The following FBXW8 variants were observed in gnomAD, a reference collection of about 807,000 sequenced individuals.
FBXW8 encodes the protein F-box and WD repeat domain containing 8.
In FBXW8, 57 loss-of-function variants were observed where a neutral mutation model predicts 65.3. The ratio of observed to expected loss-of-function variants is 0.87; its 90% CI spans 0.71 to 1.09. The LOEUF is 1.09. Ranked by LOEUF, FBXW8 falls within the 50% of genes least tolerant of loss-of-function variation. The probability of loss-of-function intolerance (pLI) is 0.00; values close to 1 mark genes in which losing one functional copy is unlikely to be tolerated. For synonymous variants in FBXW8, 308 were observed against 330.2 expected, an observed-to-expected ratio of 0.93 and a Z score of 0.73; for missense variants, 777 against 814.8, an observed-to-expected ratio of 0.95 and a Z score of 0.57.
chr12:117,024,591 T>A (rs1272693630), intron 9 of FBXW8, among the ~76,000 whole-genome samples: 1 of 152,212 alleles, frequency 6.6e-6, no homozygotes, highest in East Asian at 1.9e-4. Context: ...AGGCCCAGCT[T>A]TCTCTAAGAA....
At chr12:116,918,164 C>T (rs1207386215) in intron 1 of FBXW8, among the ~76,000 whole-genome samples, 1 of 152,180 alleles carries the variant, frequency 6.6e-6, no homozygotes, top group Non-Finnish European at 1.5e-5. Context: ...AAGAACACAT[C>T]CCTGGTCAGA....
At chr12:116,964,604 A>T in intron 4 of FBXW8, 93 bp from the exon 5 acceptor site, 1 of 1,474,500 alleles carries the variant, frequency 6.8e-7, no homozygotes, top group African/African-American at 1.4e-5. Flanking sequence ...CCCGATTCTT[A>T]CTTGTCTGTT....
intron 5 of FBXW8, among the ~76,000 whole-genome samples, chr12:116,970,855 T>C (rs1884608420): frequency 6.6e-6 from 1 of 152,122 alleles, no homozygotes; most frequent in Admixed American, 6.5e-5. Flanking sequence ...GTCCTAAAAG[T>C]TTCAATCATC....
chr12:116,981,341 G>A (rs1034734304), intron 5 of FBXW8, among the ~76,000 whole-genome samples: 6 of 152,222 alleles, frequency 3.9e-5, no homozygotes, highest in South Asian at 2.1e-4. Context: ...AAGGGAAATT[G>A]CAAACCTTGC....
At chr12:117,011,617 C>T (rs574291689) in intron 8 of FBXW8, among the ~76,000 whole-genome samples, 21 of 152,182 alleles carry the variant, frequency 1.4e-4, no homozygotes, top group African/African-American at 4.8e-4. Context: ...GTTTTAATCC[C>T]GCATTTTAGT....
rs375263486 is a variant in FBXW8, at chr12:116,937,386, C to G, written c.424-7978C>G. Among the ~76,000 whole-genome samples, 3 of 152,176 alleles carry G rather than the reference C, an allele frequency of 2.0e-5. No homozygotes were observed. The East Asian group carries it at 5.8e-4, about 29-fold the overall frequency. ...TAGAGGAGGGGTTCAGGGATGGAGC[C>G]CTGGTGCTCCACAAGGATTAGAGGC... On this transcript the variant is annotated intron_variant, in intron 2 of 10. Coordinates refer to ENST00000652555, the MANE Select transcript of FBXW8 (RefSeq NM_153348.3).
chr12:117,000,358 C>T (rs4766823), intron 7 of FBXW8, among the ~76,000 whole-genome samples: 83,202 of 152,196 alleles, frequency 0.55, 26,676 homozygotes, highest in Admixed American at 0.7. Flanking sequence ...GAAGTAAGCA[C>T]TGATAGCTGA....
intron 6 of FBXW8, among the ~76,000 whole-genome samples, chr12:116,988,395 A>G (rs947483640): frequency 6.6e-6 from 1 of 152,144 alleles, no homozygotes; most frequent in Non-Finnish European, 1.5e-5. Context: ...AGATTTCTTG[A>G]TCTTTACCGA....
chr12:116,945,999 C>G (rs1001949155), intron 3 of FBXW8, among the ~76,000 whole-genome samples: 1 of 152,226 alleles, frequency 6.6e-6, no homozygotes, highest in Non-Finnish European at 1.5e-5. Flanking sequence ...GCTTCCATAA[C>G]ATTTATCACT....
chr12:116,968,389 C>T (rs1365960527), intron 5 of FBXW8, among the ~76,000 whole-genome samples: 1 of 152,106 alleles, frequency 6.6e-6, no homozygotes, highest in Admixed American at 6.5e-5. Flanking sequence ...AGATAGCATA[C>T]TATTTACTTT....
At chr12:117,027,356 G>A (rs766239603) in intron 9 of FBXW8, 38 bp from the exon 10 acceptor site, 2 of 1,541,648 alleles carry the variant, frequency 1.3e-6, no homozygotes, top group Admixed American at 1.7e-5. Context: ...CAGGCCCAGT[G>A]GACGCCCCCT....
chr12:116,964,392 C>T (rs1236008550), intron 4 of FBXW8, among the ~76,000 whole-genome samples: 1 of 152,184 alleles, frequency 6.6e-6, no homozygotes, highest in African/African-American at 2.4e-5. Flanking sequence ...GGAGAGCTTG[C>T]AGGAGCAGAT....
chr12:116,964,591 C>A, intron 4 of FBXW8, 106 bp from the exon 5 acceptor site: 1 of 1,368,834 alleles, frequency 7.3e-7, no homozygotes, highest in South Asian at 1.3e-5. Context: ...TGGCTCTACA[C>A]CACCCGATTC....
intron 8 of FBXW8, among the ~76,000 whole-genome samples, chr12:117,021,402 TTC>T (rs563109322): frequency 1.6e-4 from 25 of 152,350 alleles, no homozygotes; most frequent in South Asian, 1.2e-3. Context: ...TGGACTGACT[TTC>T]TGATTGTTCC....
At chr12:117,025,846 A>G (rs1046407355) in intron 9 of FBXW8, among the ~76,000 whole-genome samples, 1 of 152,170 alleles carries the variant, frequency 6.6e-6, no homozygotes, top group South Asian at 2.1e-4. Flanking sequence ...ACTCCAGTAG[A>G]TCTCATTTTT....
chr12:116,965,385 T>C (rs762568470), intron 5 of FBXW8, among the ~76,000 whole-genome samples: 8 of 152,224 alleles, frequency 5.3e-5, no homozygotes, highest in Non-Finnish European at 1.0e-4. Context: ...CATGAACAAC[T>C]ATGGATTTTT....
At chr12:116,917,289 T>C (rs975191311) in intron 1 of FBXW8, among the ~76,000 whole-genome samples, 1 of 152,198 alleles carries the variant, frequency 6.6e-6, no homozygotes, top group African/African-American at 2.4e-5. Flanking sequence ...CTGCCTTGGG[T>C]AACCATTTTA....
At chr12:117,002,459 G>T (rs553528357) in intron 7 of FBXW8, 1 of 152,334 alleles carries the variant, frequency 6.6e-6, no homozygotes, top group East Asian at 1.9e-4. Context: ...ACGTTGAGGG[G>T]GTCAGGGATC....
At chr12:117,027,062 G>C (rs1401768207) in intron 9 of FBXW8, among the ~76,000 whole-genome samples, 1 of 152,206 alleles carries the variant, frequency 6.6e-6, no homozygotes, top group Non-Finnish European at 1.5e-5. Flanking sequence ...GGGAGGCAGC[G>C]ATGGGCCAGT....
Sources: allele counts gnomAD v4.1 joint callset (sites outside exome capture counted in the v4.1 genomes callset), GRCh38; gene constraint gnomAD v4.1.1; transcripts MANE v1.5; gene names NCBI Gene and HGNC (gene_info 2026-07-23, HGNC 2026-07-21).